FOXP1: variants seen among roughly 807,000 people sequenced by gnomAD.
The protein encoded by FOXP1 is forkhead box P1, also known as forkhead box protein P1.
A neutral mutation model predicts 98.2 loss-of-function variants in FOXP1; 15 were observed. The ratio of observed to expected loss-of-function variants is 0.15; its 90% CI spans 0.10 to 0.24. The LOEUF is 0.24. Among genes scored for constraint, FOXP1 ranks in the 10% least tolerant of loss-of-function variants. The probability of loss-of-function intolerance (pLI) is 1.00; values close to 1 mark genes in which losing one functional copy is unlikely to be tolerated. For synonymous variants in FOXP1, 371 were observed against 314.5 expected, an observed-to-expected ratio of 1.18 and a Z score of -1.90; for missense variants, 633 against 848.5, an observed-to-expected ratio of 0.75 and a Z score of 3.15.
chr3:71,119,857 A>C (rs1398417536), intron 6 of FOXP1, among the ~76,000 whole-genome samples: 1 of 152,262 alleles, frequency 6.6e-6, no homozygotes, highest in Non-Finnish European at 1.5e-5. Flanking sequence ...ATTCATACAG[A>C]GTCAATAGTA....
Position 71,187,396 on chromosome 3 carries a change from G to A in FOXP1, c.180+10806C>T, listed in dbSNP as rs141150880. Among the ~76,000 whole-genome samples the A allele has an allele frequency of 7.0e-3, 1,058 of 152,166 alleles. 7 individuals are homozygous for A. Among genetic ancestry groups the A allele is most frequent in the Non-Finnish European group, 0.011 (730 of 68,006 alleles). On this transcript the variant is annotated intron_variant, in intron 6 of 20. Coordinates refer to ENST00000649528, the MANE Select transcript of FOXP1 (RefSeq NM_001349338.3). ...AGGTCAGGAGTTTGAGACCAGCTTG[G>A]ACAACATGGTGAAACCCTGTCTCTA... is the stretch of plus-strand genomic sequence containing the variant.
chr3:71,236,255 C>T (rs141184649), intron 5 of FOXP1, among the ~76,000 whole-genome samples: 118 of 152,268 alleles, frequency 7.7e-4, no homozygotes, highest in African/African-American at 2.6e-3. Context: ...TTAGGAAGGG[C>T]AGGATGTTGA....
intron 11 of FOXP1, among the ~76,000 whole-genome samples, chr3:71,023,765 T>C (rs2045755743): frequency 6.6e-6 from 1 of 152,226 alleles, no homozygotes; most frequent in African/African-American, 2.4e-5. Flanking sequence ...GAAAATATAA[T>C]CAGACTTCTG....
At chr3:71,488,574 G>C (rs2090833508) in intron 3 of FOXP1, among the ~76,000 whole-genome samples, 1 of 152,180 alleles carries the variant, frequency 6.6e-6, no homozygotes, top group Admixed American at 6.5e-5. Flanking sequence ...TCTTCATCAA[G>C]CCAGACAATG....
At chr3:71,382,546 G>A (rs1007841262) in intron 3 of FOXP1, among the ~76,000 whole-genome samples, 1 of 152,162 alleles carries the variant, frequency 6.6e-6, no homozygotes. Context: ...GAATTTTTCT[G>A]AAAATCCTAA....
intron 7 of FOXP1, among the ~76,000 whole-genome samples, chr3:71,071,283 C>G (rs556974922): frequency 6.6e-5 from 10 of 152,096 alleles, no homozygotes; most frequent in Admixed American, 5.9e-4. Context: ...GGTGAGCAAC[C>G]CTGGGTGTCT....
intron 9 of FOXP1, 111 bp downstream of exon 9, chr3:71,052,426 G>C: frequency 2.6e-6 from 2 of 778,528 alleles, no homozygotes; most frequent in South Asian, 1.4e-5. Flanking sequence ...GCTGAGAACC[G>C]ATAGAGTCAG....
intron 4 of FOXP1, among the ~76,000 whole-genome samples, chr3:71,306,203 G>A (rs2074259511): frequency 6.6e-6 from 1 of 152,066 alleles, no homozygotes; most frequent in Admixed American, 6.6e-5. Context: ...GCCTATTCCA[G>A]GGGACACCAC....
chr3:70,960,943 G>A (rs1414382827), intron 20 of FOXP1, among the ~76,000 whole-genome samples: 1 of 149,568 alleles, frequency 6.7e-6, no homozygotes, highest in East Asian at 2.0e-4. Context: ...CCGGGTTCAC[G>A]CCATTCTCCT....
intron 4 of FOXP1, among the ~76,000 whole-genome samples, chr3:71,309,893 T>C (rs1023924186): frequency 1.3e-5 from 2 of 152,166 alleles, no homozygotes; most frequent in Non-Finnish European, 2.9e-5. Context: ...GTGCTTTCTG[T>C]TATCATCAGA....
At chr3:71,389,888 C>A (rs147181842) in intron 3 of FOXP1, among the ~76,000 whole-genome samples, 1 of 151,662 alleles carries the variant, frequency 6.6e-6, no homozygotes, top group Non-Finnish European at 1.5e-5. Flanking sequence ...GTTCAAAAAT[C>A]TGTTTCCTCA....
chr3:71,187,674 TAAGA>T (rs1418591380), intron 6 of FOXP1, among the ~76,000 whole-genome samples: 1 of 152,180 alleles, frequency 6.6e-6, no homozygotes, highest in African/African-American at 2.4e-5. Flanking sequence ...TTTGTGTTTA[TAAGA>T]AATAGAAATT....
chr3:71,473,155 G>C (rs1450246425), intron 3 of FOXP1, among the ~76,000 whole-genome samples: 1 of 152,118 alleles, frequency 6.6e-6, no homozygotes, highest in East Asian at 1.9e-4. Context: ...TAATCTCACA[G>C]GAGCTCTCTG....
intron 6 of FOXP1, among the ~76,000 whole-genome samples, chr3:71,149,468 T>C (rs1322937359): frequency 1.3e-5 from 2 of 152,218 alleles, no homozygotes; most frequent in Non-Finnish European, 2.9e-5. Flanking sequence ...ATTTTTACTT[T>C]ATTACTGGTT....
Position 70,959,324 on chromosome 3 carries a change from T to A in FOXP1, c.1957A>T (p.Thr653Ser). Reference protein sequence around the residue: ...EEAEGPLSLVTTANHSPDFDH... With the variant: ...EEAEGPLSLVSTANHSPDFDH... The stretch of plus-strand genomic sequence containing the variant: ...AAATCTGGACTGTGGTTGGCTGTTG[T>A]CACTAAGGACAGGGGCCCTTCAGCT... Residue 653 changes from threonine (T) to serine (S), a missense_variant, in exon 21 of 21, where the codon ACA becomes TCA. This residue lies in a region of FOXP1 where 150 missense variants were observed against 163.7 expected (regional missense o/e 0.92). Coordinates refer to ENST00000649528, the MANE Select transcript of FOXP1 (RefSeq NM_001349338.3). 6.2e-7 allele frequency: 1 copy of A among 1,614,116 alleles called. No homozygotes were observed. The highest frequency in any genetic ancestry group is 8.5e-7 in the Non-Finnish European group (1 of 1,180,020).
chr3:71,458,073 C>T lies in FOXP1; in HGVS notation c.-168+35353G>A, dbSNP rs1022632445. On this transcript the variant is annotated intron_variant, in intron 3 of 20. Coordinates refer to ENST00000649528, the MANE Select transcript of FOXP1 (RefSeq NM_001349338.3). The stretch of plus-strand genomic sequence containing the variant: ...ACTGTTCCAGAAACCAGCTCCCCTA[C>T]CAGTCAGATATTTACACTAAACCTT... Among the ~76,000 whole-genome samples, 5 of 152,182 alleles carry T rather than the reference C, an allele frequency of 3.3e-5. No individual in the cohort carries two copies. In the South Asian group the frequency reaches 6.2e-4, roughly 19 times the overall value.
chr3:70,967,683 ATTTGTTTTTTTTT>A (rs1245649331), intron 19 of FOXP1, among the ~76,000 whole-genome samples: 21 of 21,768 alleles, frequency 9.6e-4, no homozygotes, highest in Non-Finnish European at 1.6e-3. Flanking sequence ...AACTACTATT[ATTTGTTTTTTTTT>A]TTTGTTTTTT....
intron 3 of FOXP1, among the ~76,000 whole-genome samples, chr3:71,439,831 A>G (rs1481009960): frequency 6.6e-6 from 1 of 152,096 alleles, no homozygotes; most frequent in Non-Finnish European, 1.5e-5. Context: ...CTGTAATCCC[A>G]GCTACTTGGG....
chr3:71,501,235 T>C (rs2041318123), intron 2 of FOXP1, among the ~76,000 whole-genome samples: 1 of 151,854 alleles, frequency 6.6e-6, no homozygotes, highest in Admixed American at 6.6e-5. Context: ...CTTTCTCAGG[T>C]ATTTTACTAC....
Sources: gnomAD v4.1 joint callset for allele counts (sites outside exome capture counted in the v4.1 genomes callset) on GRCh38, gnomAD v4.1.1 for gene constraint, gnomAD v4.1.1 regional missense constraint, MANE v1.5 for transcripts, NCBI Gene and HGNC (gene_info 2026-07-23, HGNC 2026-07-21) for gene names.